UGT1A3: variants seen among roughly 807,000 people sequenced by gnomAD.
UGT1A3 encodes the protein UDP-glucuronosyltransferase 1A3.
UGT1A3 carries 31 observed loss-of-function variants against 41.0 expected under a neutral mutation model. The observed-to-expected ratio is 0.76, with a 90% CI of 0.57 to 1.02. The LOEUF (loss-of-function observed/expected upper bound fraction) is 1.02. UGT1A3 is among the 50% of genes least tolerant of loss of function. UGT1A3 has a pLI of 0.00. For missense variants in UGT1A3, 737 were observed against 671.0 expected (o/e 1.10, Z -1.09); for synonymous variants, 262 against 257.6 (o/e 1.02, Z -0.17).
intron 1 of UGT1A3, chr2:233,743,056 A>T: frequency 3.1e-6 from 1 of 325,774 alleles, no homozygotes; most frequent in South Asian, 2.6e-5. Context: ...AGTCCCAACG[A>T]TAAGAACAGG....
rs191471887 is a variant in UGT1A3, at chr2:233,760,476, C to T, written c.868-6558C>T. 6.3e-5 allele frequency: 102 copies of T among 1,614,200 alleles called. 1 individual carries two copies. In the East Asian group the frequency reaches 1.9e-3, roughly 30 times the overall value. On this transcript the variant is annotated intron_variant, in intron 1 of 4. Transcript: ENST00000482026. ...ATGAAATAGTTGTCCTAGCACCTGA[C>T]GCCTCGTTGTACATCAGAGACGGAG...
intron 4 of UGT1A3, among the ~76,000 whole-genome samples, chr2:233,771,932 C>G (rs909817739): frequency 6.6e-6 from 1 of 152,046 alleles, no homozygotes; most frequent in African/African-American, 2.4e-5. Context: ...CTGGGCAACA[C>G]AATAAGACCT....
intron 1 of UGT1A3, chr2:233,756,338 CTTGA>C (rs895884492): frequency 6.6e-6 from 1 of 152,178 alleles, no homozygotes; most frequent in Non-Finnish European, 1.5e-5. Context: ...CTAGTCATCT[CTTGA>C]TTACTTTTAC....
chr2:233,763,806 G>A (rs1352583064), intron 1 of UGT1A3, among the ~76,000 whole-genome samples: 14 of 152,218 alleles, frequency 9.2e-5, no homozygotes, highest in Non-Finnish European at 1.8e-4. Context: ...TGAAACTCAA[G>A]AATTCCAAGA....
In UGT1A3 at chr2:233,760,964, T is replaced by C. The variant is rs1355767569; in HGVS notation, c.868-6070T>C. ...TCACAGAACTTTCTGTGCGACGTGGTTTATTCCCCGTATGCAACCCTTGCC... is the reference window on the plus strand; with the variant it reads ...TCACAGAACTTTCTGTGCGACGTGGCTTATTCCCCGTATGCAACCCTTGCC... On this transcript the variant is annotated intron_variant, in intron 1 of 4. Coordinates refer to ENST00000482026, the MANE Select transcript of UGT1A3 (RefSeq NM_019093.4). The C allele has an allele frequency of 6.2e-7, 1 of 1,614,182 alleles. No individual in the cohort carries two copies. Among genetic ancestry groups the C allele is most frequent in the East Asian group, 2.2e-5 (1 of 44,880 alleles).
At chr2:233,740,611 T>C (rs1203894418) in intron 1 of UGT1A3, 1 of 151,850 alleles carries the variant, frequency 6.6e-6, no homozygotes, top group Non-Finnish European at 1.5e-5. Flanking sequence ...TCCAGGTCTC[T>C]TGGGGCTCAC....
At chr2:233,732,616 A>G (rs1187431518) in intron 1 of UGT1A3, among the ~76,000 whole-genome samples, 2 of 152,194 alleles carry the variant, frequency 1.3e-5, no homozygotes, top group African/African-American at 4.8e-5. Flanking sequence ...AAATGGTTGT[A>G]GATGTGTGGT....
chr2:233,772,282 G>A lies in UGT1A3; in HGVS notation c.1328G>A (p.Arg443His), dbSNP rs748166510. The change falls in exon 5 of 5, where the codon CGC becomes CAC. Residue 443 changes from arginine to histidine, a missense_variant. Arg to His is a conservative substitution (Grantham distance 29). Transcript: ENST00000482026. ...TTTAGTTACAAGGAGAACATCATGC[G>A]CCTCTCCAGCCTTCACAAGGACCGC... ...NDKSYKENIM[R>H]LSSLHKDRPV... 13 of 1,614,078 alleles carry A rather than the reference G, an allele frequency of 8.1e-6. No homozygotes were observed. Among genetic ancestry groups the A allele is most frequent in the Middle Eastern group, 1.6e-4 (1 of 6,084 alleles).
In UGT1A3 at chr2:233,743,774, T is replaced by G. The variant is rs370785747; in HGVS notation, c.867+13781T>G. On this transcript the variant is annotated intron_variant, in intron 1 of 4. Transcript: ENST00000482026. ...CAACACCTCGTAGGCCTCGGCCACC[T>G]GCTTGAATCTCCTCTCCGCTTCCTC... 2.2e-6 allele frequency: 3 copies of G among 1,367,230 alleles called. No homozygotes were observed. The African/African-American group carries it at 4.4e-5, about 20-fold the overall frequency. 84.7% of individuals were successfully genotyped at this position (1,367,230 alleles called of 1,614,324 possible).
At chr2:233,755,293 G>C in intron 1 of UGT1A3, 7 of 641,420 alleles carry the variant, frequency 1.1e-5, no homozygotes, top group Non-Finnish European at 1.7e-5. Context: ...AGAGCCTGCG[G>C]GGCACTGGCA....
chr2:233,759,311 G>A (rs1276961284), intron 1 of UGT1A3, among the ~76,000 whole-genome samples: 2 of 152,170 alleles, frequency 1.3e-5, no homozygotes, highest in African/African-American at 2.4e-5. Context: ...TGGCTGAGGT[G>A]GGTGAGCTTT....
intron 1 of UGT1A3, chr2:233,754,615 C>T (rs1360410521): frequency 2.3e-6 from 1 of 438,040 alleles, no homozygotes; most frequent in Non-Finnish European, 4.6e-6. Context: ...TCTCCATCTT[C>T]CTCCACTTCC....
intron 1 of UGT1A3, chr2:233,753,210 T>TAGAC (rs1695156471): frequency 2.0e-5 from 3 of 152,224 alleles, no homozygotes; most frequent in African/African-American, 4.8e-5. Flanking sequence ...ACAGTCTGTC[T>TAGAC]TATTTTGATA....
chr2:233,756,673 G>A (rs542273174), intron 1 of UGT1A3, among the ~76,000 whole-genome samples: 1 of 152,146 alleles, frequency 6.6e-6, no homozygotes, highest in Non-Finnish European at 1.5e-5. Flanking sequence ...ATTTCCGCTA[G>A]AACTGCTATA....
At chr2:233,762,035 T>C (rs960173120) in intron 1 of UGT1A3, among the ~76,000 whole-genome samples, 7 of 152,218 alleles carry the variant, frequency 4.6e-5, no homozygotes, top group African/African-American at 1.4e-4. Flanking sequence ...TTTTTTTTAA[T>C]TTTCTGTGCA....
chr2:233,738,818 A>T (rs779696858), intron 1 of UGT1A3: 1 of 152,242 alleles, frequency 6.6e-6, no homozygotes. Context: ...AGAAATTTGA[A>T]TAAATAAGGA....
At chr2:233,736,391 T>G (rs923297750) in intron 1 of UGT1A3, among the ~76,000 whole-genome samples, 3 of 152,222 alleles carry the variant, frequency 2.0e-5, no homozygotes, top group African/African-American at 7.2e-5. Flanking sequence ...CTACAGTGTT[T>G]ATTCTAGTTA....
At chr2:233,748,180 G>A in intron 1 of UGT1A3, 2 of 1,578,368 alleles carry the variant, frequency 1.3e-6, no homozygotes, top group South Asian at 2.4e-5. Flanking sequence ...TCTTTCTGGT[G>A]CTTTTATTTC....
Position 233,772,634 on chromosome 2 carries a change from T to C in UGT1A3, c.*75T>C. On this transcript the variant is annotated 3_prime_UTR_variant, in exon 5 of 5. Transcript: ENST00000482026. ...CCAAACTTGAAAACAGAATCAGTGT[T>C]AAATTCATTTTATTCTTATTAAGGA... The C allele has an allele frequency of 6.4e-7, 1 of 1,555,940 alleles. No individual in the cohort carries two copies. The highest frequency in any genetic ancestry group is 2.4e-5 in the East Asian group (1 of 41,342).
Sources: allele counts gnomAD v4.1 joint callset (sites outside exome capture counted in the v4.1 genomes callset), GRCh38; gene constraint gnomAD v4.1.1; transcripts MANE v1.5; gene names NCBI Gene and HGNC (gene_info 2026-07-23, HGNC 2026-07-21).